The following CLIC2 variants were observed in gnomAD, a reference collection of about 807,000 sequenced individuals.
CLIC2 encodes CLIC family member 2, also known as chloride intracellular channel protein 2.
In CLIC2, 9 loss-of-function variants were observed where a neutral mutation model predicts 14.8. The ratio of observed to expected loss-of-function variants is 0.61; its 90% CI spans 0.37 to 1.06. The LOEUF is 1.06. Ranked by LOEUF, CLIC2 falls within the 50% of genes least tolerant of loss-of-function variation. CLIC2 has a pLI of 0.01. For synonymous variants in CLIC2, 61 were observed against 66.3 expected (o/e 0.92, Z 0.39); for missense variants, 148 against 181.4 (o/e 0.82, Z 1.06).
In CLIC2 at chrX:155,277,657, T is replaced by C. The variant is rs943422792; in HGVS notation, c.*246A>G. 2 of 340,477 alleles carry C rather than the reference T, an allele frequency of 5.9e-6. No homozygotes were observed. Among genetic ancestry groups the C allele is most frequent in the Non-Finnish European group, 1.0e-5 (2 of 195,261 alleles). The allele number at this position is 340,477 out of a possible 1,213,427, so 28.1% of individuals were successfully genotyped here. A position where few individuals can be genotyped will look rare whatever the true frequency, so the allele number is the denominator to read the frequency against. ...AGCAAAGGGCAAAAGATTGTGATGC[T>C]TTCCATGTCATTCAGGATTGCAGTG... On this transcript the variant is annotated 3_prime_UTR_variant, in exon 6 of 6. Coordinates refer to ENST00000369449, the MANE Select transcript of CLIC2 (RefSeq NM_001289.6).
intron 1 of CLIC2, among the ~76,000 whole-genome samples, chrX:155,320,854 T>C (rs989276127): frequency 2.7e-5 from 3 of 111,156 alleles, no homozygotes; most frequent in Non-Finnish European, 3.8e-5. Flanking sequence ...AAAACCAGTA[T>C]AGAGAAGAAC....
chrX:155,281,264 T>A (rs1482229572), intron 3 of CLIC2, among the ~76,000 whole-genome samples: 1 of 109,159 alleles, frequency 9.2e-6, no homozygotes, highest in Non-Finnish European at 1.9e-5. Context: ...TGCAGTTATG[T>A]AGAATGAGTA....
intron 3 of CLIC2, chrX:155,292,858 G>A (rs2074979346): frequency 9.9e-7 from 1 of 1,007,010 alleles, no homozygotes; most frequent in African/African-American, 1.9e-5. Flanking sequence ...GAAGAAAGAA[G>A]AGCTTATTTT....
intron 1 of CLIC2, among the ~76,000 whole-genome samples, chrX:155,324,491 C>T (rs1237031006): frequency 1.8e-5 from 2 of 111,350 alleles, no homozygotes; most frequent in Non-Finnish European, 3.8e-5. Context: ...CTTTGACAAA[C>T]CTGACAAAAA....
intron 3 of CLIC2, among the ~76,000 whole-genome samples, chrX:155,284,139 A>T (rs1557316844): frequency 9.0e-6 from 1 of 111,365 alleles, no homozygotes; most frequent in Non-Finnish European, 1.9e-5. Context: ...TTGTGAGCAC[A>T]CATCTAGAAA....
intron 1 of CLIC2, among the ~76,000 whole-genome samples, chrX:155,327,506 TA>T (rs1290150282): frequency 9.0e-6 from 1 of 111,244 alleles, no homozygotes; most frequent in Non-Finnish European, 1.9e-5. Flanking sequence ...GTCACTTTTT[TA>T]AAAAAGAATG....
At chrX:155,297,326 A>G (rs2074995619) in intron 3 of CLIC2, among the ~76,000 whole-genome samples, 1 of 110,970 alleles carries the variant, frequency 9.0e-6, no homozygotes, top group Non-Finnish European at 1.9e-5. Context: ...TGGGAGGAGA[A>G]GGGAAGATGA....
chrX:155,321,595 A>G (rs1469780846), intron 1 of CLIC2, among the ~76,000 whole-genome samples: 2 of 113,195 alleles, frequency 1.8e-5, no homozygotes, highest in African/African-American at 6.4e-5. Flanking sequence ...AACCGGTACC[A>G]GCAACTGCAA....
intron 1 of CLIC2, among the ~76,000 whole-genome samples, chrX:155,333,901 G>A (rs1341883711): frequency 3.6e-5 from 4 of 110,095 alleles, no homozygotes; most frequent in African/African-American, 1.3e-4. Context: ...TTCTGTCTAG[G>A]CTATGTGTGG....
intron 3 of CLIC2, chrX:155,291,167 T>TA: frequency 2.0e-6 from 2 of 998,378 alleles, no homozygotes; most frequent in East Asian, 3.1e-5. Context: ...CTAACCTGAA[T>TA]AATATATAGC....
At chrX:155,292,760 A>G in intron 3 of CLIC2, 2 of 488,680 alleles carry the variant, frequency 4.1e-6, no homozygotes, top group Non-Finnish European at 7.0e-6. Context: ...ACAGAGCGAG[A>G]CTCCGTCTCA....
intron 3 of CLIC2, among the ~76,000 whole-genome samples, chrX:155,282,808 T>C (rs1203458510): frequency 9.0e-6 from 1 of 111,076 alleles, no homozygotes; most frequent in African/African-American, 3.3e-5. Context: ...AGGCTGGCCT[T>C]CACACTCCCA....
At chrX:155,297,281 T>A (rs1445136519) in intron 3 of CLIC2, among the ~76,000 whole-genome samples, 1 of 109,707 alleles carries the variant, frequency 9.1e-6, no homozygotes, top group Non-Finnish European at 1.9e-5. Context: ...AGATAGAGAA[T>A]GGAAAGAGAG....
chrX:155,298,705 G>T, intron 3 of CLIC2, 80 bp downstream of exon 3: 1 of 1,109,632 alleles, frequency 9.0e-7, no homozygotes, highest in Non-Finnish European at 1.2e-6. Context: ...TACTTAAATT[G>T]GTAAGAATAC....
intron 3 of CLIC2, among the ~76,000 whole-genome samples, chrX:155,280,987 T>TGA (rs1445940621): frequency 6.0e-4 from 34 of 56,427 alleles, no homozygotes; most frequent in African/African-American, 1.7e-3. Context: ...ATAGAAATTG[T>TGA]GAGATATATA....
At chrX:155,318,820 G>C (rs1289612446) in intron 1 of CLIC2, among the ~76,000 whole-genome samples, 3 of 111,834 alleles carry the variant, frequency 2.7e-5, no homozygotes, top group Non-Finnish European at 5.6e-5. Context: ...AGACTATAAG[G>C]CTATAGTCAC....
At position 155,315,844 on chromosome X, in the gene CLIC2, C is replaced by A. The variant is rs782284209; in HGVS notation, c.58-16699G>T. Among the ~76,000 whole-genome samples the A allele has an allele frequency of 2.5e-4, 28 of 111,733 alleles. No individual in the cohort carries two copies. The South Asian group carries it at 3.0e-3, about 12-fold the overall frequency. On this transcript the variant is annotated intron_variant, in intron 1 of 5. Transcript: ENST00000369449. ...CCATTCTACAATGGATAAGAATTCA[C>A]CAAACAAGTTTCTGCTGTCTTCAGG... is the stretch of plus-strand genomic sequence containing the variant.
At chrX:155,305,296 G>C (rs1233198690) in intron 1 of CLIC2, among the ~76,000 whole-genome samples, 10 of 112,226 alleles carry the variant, frequency 8.9e-5, no homozygotes, top group Admixed American at 4.7e-4. Context: ...TTTTAAGCCC[G>C]CCGGAAAAGC....
Position 155,279,854 on chromosome X carries a change from A to G in CLIC2, c.400+108T>C, listed in dbSNP as rs2074912304. On this transcript the variant is annotated intron_variant, in intron 4 of 5. Coordinates refer to ENST00000369449, the MANE Select transcript of CLIC2 (RefSeq NM_001289.6). ...GGAGAGTATAGAGAATGAGGGGAAG[A>G]CTAGGCCAGTCCCCAAAATATACTA... 4 of 535,828 alleles carry G rather than the reference A, an allele frequency of 7.5e-6. No individual in the cohort carries two copies. The Admixed American group carries it at 8.3e-5, about 11-fold the overall frequency. The allele number at this position is 535,828 out of a possible 1,213,427, so 44.2% of individuals were successfully genotyped here.
Sources: gnomAD v4.1 joint callset for allele counts (sites outside exome capture counted in the v4.1 genomes callset) on GRCh38, gnomAD v4.1.1 for gene constraint, MANE v1.5 for transcripts, NCBI Gene and HGNC (gene_info 2026-07-23, HGNC 2026-07-21) for gene names.